Variants in INTS4 observed in about 807,000 individuals in gnomAD.
The protein encoded by INTS4 is MSTP093.
A neutral mutation model predicts 119.5 loss-of-function variants in INTS4; 70 were observed. The observed-to-expected ratio is 0.59, with a 90% CI of 0.48 to 0.71. INTS4 has a LOEUF of 0.71. INTS4 is among the 30% of genes least tolerant of loss of function. The probability of loss-of-function intolerance (pLI) is 0.00; values close to 1 mark genes in which losing one functional copy is unlikely to be tolerated. For synonymous variants in INTS4, 316 were observed against 419.6 expected, an observed-to-expected ratio of 0.75 and a Z score of 3.02; for missense variants, 867 against 1,173.2, an observed-to-expected ratio of 0.74 and a Z score of 3.81.
At chr11:77,933,151 T>G (rs1480523805) in intron 10 of INTS4, among the ~76,000 whole-genome samples, 1 of 152,074 alleles carries the variant, frequency 6.6e-6, no homozygotes, top group Admixed American at 6.6e-5. Context: ...GAAAACTGTA[T>G]AACTAAATCA....
chr11:77,880,786 G>C (rs1461897479), intron 22 of INTS4, among the ~76,000 whole-genome samples: 2 of 152,064 alleles, frequency 1.3e-5, no homozygotes, highest in Non-Finnish European at 2.9e-5. Context: ...AGTGAGACCT[G>C]TCTCTACAAA....
At chr11:77,898,701 A>G (rs1370625663) in intron 18 of INTS4, among the ~76,000 whole-genome samples, 2 of 152,212 alleles carry the variant, frequency 1.3e-5, no homozygotes, top group Non-Finnish European at 2.9e-5. Context: ...AATGGATGTG[A>G]CAGACACTAT....
intron 11 of INTS4, among the ~76,000 whole-genome samples, chr11:77,926,811 C>CAA (rs61446262): frequency 6.8e-5 from 7 of 103,472 alleles, no homozygotes; most frequent in African/African-American, 1.5e-4. Flanking sequence ...GACTCAGCCT[C>CAA]AAAAAAAAAA....
chr11:77,914,297 G>A (rs1315536790), intron 15 of INTS4, among the ~76,000 whole-genome samples: 1 of 152,216 alleles, frequency 6.6e-6, no homozygotes, highest in Non-Finnish European at 1.5e-5. Flanking sequence ...CTAAGAGCCA[G>A]CACTGCAGCT....
intron 4 of INTS4, among the ~76,000 whole-genome samples, chr11:77,971,759 T>G (rs1855745392): frequency 6.6e-6 from 1 of 152,260 alleles, no homozygotes; most frequent in Non-Finnish European, 1.5e-5. Context: ...AAACAAGTTT[T>G]CAGTTTTGGT....
chr11:77,894,119 C>A (rs1254286488), intron 19 of INTS4, among the ~76,000 whole-genome samples, 171 bp downstream of exon 19: 1 of 151,992 alleles, frequency 6.6e-6, no homozygotes, highest in Non-Finnish European at 1.5e-5. Context: ...GGAAAAAAAC[C>A]AAATTAGGTT....
rs985297516 is a variant in INTS4 at position 77,878,923 on chromosome 11, C to T, written c.*26G>A. On this transcript the variant is annotated 3_prime_UTR_variant, in exon 23 of 23. Coordinates refer to ENST00000534064, the MANE Select transcript of INTS4 (RefSeq NM_033547.4). ...TGACACCTAAGAAGGGCCCTCTAGG[C>T]CACGGTTGGGAAGACTGTTTTTGCC... 1 of 1,597,150 alleles carries T rather than the reference C, an allele frequency of 6.3e-7. No homozygotes were observed. Among genetic ancestry groups the T allele is most frequent in the African/African-American group, 1.3e-5 (1 of 74,694 alleles).
At position 77,918,833 on chromosome 11, in the gene INTS4, T is replaced by G. The variant is rs1953269518; in HGVS notation, c.1910A>C (p.Glu637Ala). Residue 637 changes from glutamate (E) to alanine (A), a missense_variant, in exon 15 of 23, where the codon GAA (glutamate) becomes GCA (alanine). Glu to Ala is a moderately radical substitution (Grantham distance 107). This residue lies in a region of INTS4 where 262 missense variants were observed against 376.0 expected (regional missense o/e 0.70). Coordinates refer to ENST00000534064, the MANE Select transcript of INTS4 (RefSeq NM_033547.4). Reference protein sequence around the residue: ...LDPQGAQELLEFTIRDLQRLG... With the variant: ...LDPQGAQELLAFTIRDLQRLG... ...ATGATTACCCTACCTGATGGTGAAT[T>G]CCAGCAGCTCCTGGGCTCCCTGAGG... 3 of 1,613,302 alleles carry G rather than the reference T, an allele frequency of 1.9e-6. No homozygotes were observed. The highest frequency in any genetic ancestry group is 2.5e-6 in the Non-Finnish European group (3 of 1,179,770).
downstream of INTS4, chr11:77,877,066 AG>A (rs2136337168): frequency 1.4e-6 from 1 of 702,692 alleles, no homozygotes; most frequent in African/African-American, 1.7e-5. Context: ...ACACTAGAAA[AG>A]TCAGCTCCCT....
chr11:77,920,635 G>A (rs1189381050), intron 14 of INTS4, among the ~76,000 whole-genome samples: 2 of 151,842 alleles, frequency 1.3e-5, no homozygotes, highest in Admixed American at 6.6e-5. Context: ...GGCAGATCAC[G>A]AGGTCAGGAG....
At chr11:77,930,477 G>T (rs1051242530) in intron 10 of INTS4, among the ~76,000 whole-genome samples, 1 of 152,174 alleles carries the variant, frequency 6.6e-6, no homozygotes, top group African/African-American at 2.4e-5. Context: ...CTTCCTCCTA[G>T]AATTTTATCC....
rs758992914 is a variant in INTS4 at position 77,878,871 on chromosome 11, G to A, written c.*78C>T. On this transcript the variant is annotated 3_prime_UTR_variant, in exon 23 of 23. Coordinates refer to ENST00000534064, the MANE Select transcript of INTS4 (RefSeq NM_033547.4). Reference sequence around the variant, plus strand: ...CCTTAAGCCTACACATCAATTCCAGGTGAAGTGCTTCAGGCTTGGCTCATT... The same window carrying A: ...CCTTAAGCCTACACATCAATTCCAGATGAAGTGCTTCAGGCTTGGCTCATT... 57 of 1,027,472 alleles carry A rather than the reference G, an allele frequency of 5.5e-5. No individual in the cohort carries two copies. Among genetic ancestry groups the A allele is most frequent in the Non-Finnish European group, 7.2e-5 (47 of 649,916 alleles). 63.6% of individuals were successfully genotyped at this position (1,027,472 alleles called of 1,614,324 possible).
chr11:77,882,104 T>C (rs943348993), intron 22 of INTS4, among the ~76,000 whole-genome samples: 1 of 152,058 alleles, frequency 6.6e-6, no homozygotes. Context: ...ATTGTAGAGA[T>C]AGGGTTGCCC....
chr11:77,971,363 A>G lies in INTS4; in HGVS notation c.471+7633T>C, dbSNP rs1277753698. 2.6e-5 allele frequency among the ~76,000 whole-genome samples: 4 copies of G among 151,990 alleles called. No homozygotes were observed. The East Asian group carries it at 7.7e-4, about 29-fold the overall frequency. Reference sequence around the variant, plus strand: ...TTCCTTAGATAGTCTAAATACAATTACCAGCTGGGCGAAGTGGCTCACGCT... The same window carrying G: ...TTCCTTAGATAGTCTAAATACAATTGCCAGCTGGGCGAAGTGGCTCACGCT... On this transcript the variant is annotated intron_variant, in intron 4 of 22. Coordinates refer to ENST00000534064, the MANE Select transcript of INTS4 (RefSeq NM_033547.4).
intron 5 of INTS4, among the ~76,000 whole-genome samples, chr11:77,960,623 AATG>A (rs1954445360): frequency 1.3e-5 from 2 of 152,274 alleles, no homozygotes; most frequent in South Asian, 4.1e-4. Context: ...AATATGAAAT[AATG>A]ATATGAAGCC....
intron 8 of INTS4, among the ~76,000 whole-genome samples, chr11:77,953,830 C>T (rs1396139748): frequency 2.6e-5 from 4 of 152,124 alleles, no homozygotes; most frequent in Non-Finnish European, 4.4e-5. Context: ...GTGATTTGCC[C>T]GCTTCGGCCT....
intron 10 of INTS4, among the ~76,000 whole-genome samples, chr11:77,935,387 G>A (rs1255018258): frequency 6.6e-6 from 1 of 152,212 alleles, no homozygotes; most frequent in East Asian, 1.9e-4. Context: ...GAAGTCCAAT[G>A]TGGCTAGAGT....
chr11:77,916,818 T>C (rs1953215008), intron 15 of INTS4, among the ~76,000 whole-genome samples: 1 of 152,256 alleles, frequency 6.6e-6, no homozygotes, highest in Non-Finnish European at 1.5e-5. Flanking sequence ...CATCTATGCT[T>C]CTCTTCACTG....
At chr11:77,930,736 T>C (rs1156839513) in intron 10 of INTS4, among the ~76,000 whole-genome samples, 1 of 152,112 alleles carries the variant, frequency 6.6e-6, no homozygotes. Flanking sequence ...TCCCAGCACT[T>C]TGAGAGGCCA....
Sources: gnomAD v4.1 joint callset for allele counts (sites outside exome capture counted in the v4.1 genomes callset) on GRCh38, gnomAD v4.1.1 for gene constraint, gnomAD v4.1.1 regional missense constraint, MANE v1.5 for transcripts, NCBI Gene and HGNC (gene_info 2026-07-23, HGNC 2026-07-21) for gene names.